The following PRKCE variants were observed in gnomAD, a reference collection of about 807,000 sequenced individuals.
PRKCE encodes the protein protein kinase C epsilon type.
In PRKCE, 16 loss-of-function variants were observed where a neutral mutation model predicts 85.4. That is an observed-to-expected ratio of 0.19 (90% CI 0.13 to 0.28). The LOEUF (loss-of-function observed/expected upper bound fraction) is 0.28. PRKCE is among the 10% of genes least tolerant of loss of function. The pLI is 1.00. For missense variants in PRKCE, 573 were observed against 975.2 expected (o/e 0.59, Z 5.49); for synonymous variants, 388 against 371.5 (o/e 1.04, Z -0.51).
chr2:45,805,461 C>G (rs537242431), intron 1 of PRKCE, among the ~76,000 whole-genome samples: 1 of 152,314 alleles, frequency 6.6e-6, no homozygotes, highest in South Asian at 2.1e-4. Flanking sequence ...CCACTCTTTA[C>G]TTGTGTGACT....
chr2:45,926,670 G>A (rs2103993086), intron 2 of PRKCE, among the ~76,000 whole-genome samples: 1 of 152,324 alleles, frequency 6.6e-6, no homozygotes, highest in Non-Finnish European at 1.5e-5. Context: ...CTAAATTACT[G>A]TGTTTCTTAT....
At chr2:45,742,467 A>G (rs914975385) in intron 1 of PRKCE, among the ~76,000 whole-genome samples, 26 of 152,174 alleles carry the variant, frequency 1.7e-4, no homozygotes, top group African/African-American at 6.3e-4. Flanking sequence ...AAAAGTCTTG[A>G]ATGTACATTT....
intron 1 of PRKCE, among the ~76,000 whole-genome samples, chr2:45,654,249 A>G (rs1411507779): frequency 1.3e-5 from 2 of 152,238 alleles, no homozygotes; most frequent in Non-Finnish European, 2.9e-5. Flanking sequence ...ATCTCTGGTG[A>G]TGCTTCACTG....
chr2:45,966,701 GC>G (rs749448322), intron 2 of PRKCE, among the ~76,000 whole-genome samples: 2 of 152,154 alleles, frequency 1.3e-5, no homozygotes, highest in Non-Finnish European at 2.9e-5. Context: ...TCCTTGCCCA[GC>G]CCAGTCTTTC....
intron 1 of PRKCE, among the ~76,000 whole-genome samples, chr2:45,830,610 C>G (rs1690344574): frequency 2.6e-5 from 4 of 152,140 alleles, no homozygotes; most frequent in Admixed American, 2.6e-4. Context: ...GTATCTCCCA[C>G]AAATTCAGTT....
At chr2:45,854,012 G>A (rs777678669) in intron 2 of PRKCE, among the ~76,000 whole-genome samples, 1 of 152,080 alleles carries the variant, frequency 6.6e-6, no homozygotes, top group Non-Finnish European at 1.5e-5. Flanking sequence ...TCATGACACT[G>A]GATTTGCCCC....
At chr2:46,124,930 C>A (rs897776084) in intron 11 of PRKCE, among the ~76,000 whole-genome samples, 1 of 152,178 alleles carries the variant, frequency 6.6e-6, no homozygotes, top group African/African-American at 2.4e-5. Context: ...TTTTTAGACA[C>A]ATTTAAATCT....
In PRKCE at chr2:45,922,426, G is replaced by C. The variant is rs193129911; in HGVS notation, c.413-54003G>C. ...CTCAGGGGGCAAAACATCTAGAGTT[G>C]GGGGACACAGGAGTCAGAAGCAACT... On this transcript the variant is annotated intron_variant, in intron 2 of 14. Coordinates refer to ENST00000306156, the MANE Select transcript of PRKCE (RefSeq NM_005400.3). Among the ~76,000 whole-genome samples, 819 of 152,260 alleles carry C rather than the reference G, an allele frequency of 5.4e-3. 6 individuals carry two copies. Among genetic ancestry groups the C allele is most frequent in the African/African-American group, 0.018 (757 of 41,530 alleles).
At chr2:45,909,082 CCAAA>C (rs1428825440) in intron 2 of PRKCE, among the ~76,000 whole-genome samples, 7 of 152,204 alleles carry the variant, frequency 4.6e-5, no homozygotes, top group Non-Finnish European at 8.8e-5. Context: ...GAGAAAAACA[CCAAA>C]CAGTTTTGCT....
intron 1 of PRKCE, among the ~76,000 whole-genome samples, chr2:45,742,596 G>A (rs1198245865): frequency 2.0e-5 from 3 of 152,156 alleles, no homozygotes; most frequent in South Asian, 4.1e-4. Context: ...GTAAGAATCA[G>A]TATTATCAAA....
intron 1 of PRKCE, among the ~76,000 whole-genome samples, chr2:45,830,107 T>G (rs1348155993): frequency 1.4e-5 from 2 of 147,948 alleles, no homozygotes; most frequent in South Asian, 2.1e-4. Flanking sequence ...ATTGGAAGGC[T>G]CTTTGAAAAA....
intron 14 of PRKCE, among the ~76,000 whole-genome samples, chr2:46,176,068 G>A (rs72881616): frequency 0.014 from 2,181 of 152,118 alleles, 45 homozygotes; most frequent in African/African-American, 0.05. Flanking sequence ...TGCACAGCCA[G>A]GATTGAGAAC....
intron 1 of PRKCE, among the ~76,000 whole-genome samples, chr2:45,824,412 C>T (rs972766196): frequency 9.2e-5 from 14 of 152,160 alleles, no homozygotes; most frequent in Admixed American, 9.2e-4. Flanking sequence ...ACCAGGGAAG[C>T]AGCTCGGGGA....
In PRKCE at chr2:45,938,152, T is replaced by C. The variant is rs375679190; in HGVS notation, c.413-38277T>C. ...GAATTAAAGACTGTTCACACCCACA[T>C]AGAACCATCTGCTCTCTTAGCCTCA... On this transcript the variant is annotated intron_variant, in intron 2 of 14. Transcript: ENST00000306156. Among the ~76,000 whole-genome samples the C allele has an allele frequency of 6.6e-5, 10 of 152,286 alleles. No homozygotes were observed. In the East Asian group the frequency reaches 1.7e-3, roughly 26 times the overall value.
intron 6 of PRKCE, among the ~76,000 whole-genome samples, chr2:45,993,245 G>T (rs796197889): frequency 1.2e-4 from 18 of 152,306 alleles, no homozygotes; most frequent in African/African-American, 4.3e-4. Flanking sequence ...GTCCTTTGCT[G>T]GTCTGTGGCC....
intron 1 of PRKCE, among the ~76,000 whole-genome samples, chr2:45,822,818 G>C (rs565041527): frequency 3.9e-5 from 6 of 152,318 alleles, no homozygotes; most frequent in African/African-American, 1.2e-4. Flanking sequence ...TCTGTAAGGA[G>C]AGTTGCTTCT....
chr2:46,015,522 A>C (rs1706050770), intron 10 of PRKCE, among the ~76,000 whole-genome samples: 2 of 152,248 alleles, frequency 1.3e-5, no homozygotes, highest in South Asian at 4.1e-4. Flanking sequence ...TTGCTGCCCT[A>C]GGGAAAATGC....
At chr2:45,782,492 A>G (rs1379177031) in intron 1 of PRKCE, among the ~76,000 whole-genome samples, 1 of 152,128 alleles carries the variant, frequency 6.6e-6, no homozygotes, top group Non-Finnish European at 1.5e-5. Context: ...CCAGCCGGTG[A>G]CATATCCCAC....
At chr2:45,810,915 T>A (rs4952778) in intron 1 of PRKCE, among the ~76,000 whole-genome samples, 133,710 of 152,278 alleles carry the variant, frequency 0.88, 58,736 homozygotes, top group East Asian at 0.9. Flanking sequence ...TCCTCTAGAC[T>A]CGATACCCAA....
Sources: allele counts gnomAD v4.1 joint callset (sites outside exome capture counted in the v4.1 genomes callset), GRCh38; gene constraint gnomAD v4.1.1; transcripts MANE v1.5; gene names NCBI Gene and HGNC (gene_info 2026-07-23, HGNC 2026-07-21).